Variants in PARP16 observed in about 807,000 individuals in gnomAD.
The protein encoded by PARP16 is poly(ADP-ribose) polymerase family member 16.
A neutral mutation model predicts 35.0 loss-of-function variants in PARP16; 31 were observed. The observed-to-expected ratio is 0.88, with a 90% CI of 0.66 to 1.19. PARP16 has a LOEUF of 1.19. PARP16 is among the 50% of genes most tolerant of loss of function. The pLI is 0.00. For missense variants in PARP16, 424 were observed against 411.2 expected (o/e 1.03, Z -0.27); for synonymous variants, 162 against 169.5 (o/e 0.96, Z 0.34).
intron 5 of PARP16, among the ~76,000 whole-genome samples, chr15:65,259,753 C>T (rs141015666): frequency 1.3e-5 from 2 of 152,174 alleles, no homozygotes; most frequent in Admixed American, 6.5e-5. Context: ...TTTCTAAATG[C>T]GCAAAGACAG....
intron 4 of PARP16, 61 bp from the exon 5 acceptor site, chr15:65,261,087 T>C: frequency 6.5e-7 from 1 of 1,529,804 alleles, no homozygotes; most frequent in Non-Finnish European, 9.0e-7. Context: ...AAGCACATTA[T>C]AAATAGAAAT....
intron 2 of PARP16, among the ~76,000 whole-genome samples, chr15:65,252,362 G>A (rs1363466599): frequency 3.3e-5 from 5 of 152,186 alleles, no homozygotes; most frequent in Non-Finnish European, 5.9e-5. Context: ...AAATATAATT[G>A]ATGTGCTAGT....
rs775895343 is a variant in PARP16 at position 65,261,038 on chromosome 15, GA to G, written c.692-13del. The G allele has an allele frequency of 3.1e-6, 5 of 1,610,580 alleles. No homozygotes were observed. The highest frequency in any genetic ancestry group is 4.2e-6 in the Non-Finnish European group (5 of 1,177,362). ...TATCTCCTTGGAATCTGAATAAGGA[GA>G]GTAAAACACATCTTCACTGGGGGAA... On this transcript the variant is annotated splice_polypyrimidine_tract_variant and intron_variant, in intron 4 of 5. Transcript: ENST00000649807.
At chr15:65,257,921 C>T (rs574323142), downstream of PARP16, among the ~76,000 whole-genome samples, 2 of 152,102 alleles carry the variant, frequency 1.3e-5, no homozygotes, top group South Asian at 2.1e-4. Flanking sequence ...TAGGTACTCA[C>T]GTTTGTTAAG....
At position 65,259,607 on chromosome 15, in the gene PARP16, C is replaced by T. The variant is rs975663141; in HGVS notation, c.834-65G>A. 7 of 1,464,628 alleles carry T rather than the reference C, an allele frequency of 4.8e-6. No homozygotes were observed. The African/African-American group carries it at 8.4e-5, about 18-fold the overall frequency. 90.7% of individuals were successfully genotyped at this position (1,464,628 alleles called of 1,614,324 possible). A position where few individuals can be genotyped will look rare whatever the true frequency, so the allele number is the denominator to read the frequency against. The stretch of plus-strand genomic sequence containing the variant: ...GAAAAACATTTTTTTTAAGTGTGTA[C>T]AACAAGTCTGGCTCTAAGAAGACAA... On this transcript the variant is annotated intron_variant, in intron 5 of 5. Transcript: ENST00000649807.
intron 2 of PARP16, among the ~76,000 whole-genome samples, chr15:65,267,192 G>C (rs553782655): frequency 1.4e-4 from 21 of 152,158 alleles, no homozygotes; most frequent in Admixed American, 9.8e-4. Flanking sequence ...AGTGAGCAGA[G>C]ATCACGTCAC....
intron 2 of PARP16, among the ~76,000 whole-genome samples, chr15:65,269,508 A>ATAG (rs1334935230): frequency 6.6e-6 from 1 of 152,138 alleles, no homozygotes; most frequent in East Asian, 1.9e-4. Context: ...TGGTTTTCAA[A>ATAG]TAGTAGGTCA....
intron 3 of PARP16, among the ~76,000 whole-genome samples, chr15:65,238,011 C>A (rs1462809464): frequency 6.6e-6 from 1 of 152,288 alleles, no homozygotes; most frequent in East Asian, 1.9e-4. Flanking sequence ...ATTGGCTGGA[C>A]GCAGTGGCTC....
chr15:65,254,667 C>A (rs1459265153), downstream of PARP16, among the ~76,000 whole-genome samples: 3 of 152,028 alleles, frequency 2.0e-5, no homozygotes, highest in African/African-American at 7.3e-5. Context: ...ACCATGGCAA[C>A]GGGATGAATG....
At chr15:65,241,411 G>T (rs922186442) in intron 3 of PARP16, among the ~76,000 whole-genome samples, 1 of 152,196 alleles carries the variant, frequency 6.6e-6, no homozygotes, top group African/African-American at 2.4e-5. Flanking sequence ...AAAGTGCTGG[G>T]ATTACAAGCA....
intron 3 of PARP16, among the ~76,000 whole-genome samples, chr15:65,244,294 A>C (rs767148407): frequency 1.3e-5 from 2 of 152,216 alleles, no homozygotes; most frequent in Non-Finnish European, 2.9e-5. Context: ...TTACTATATT[A>C]GTCTGTTCTC....
intron 3 of PARP16, among the ~76,000 whole-genome samples, chr15:65,263,701 T>C (rs1025331317): frequency 3.3e-5 from 5 of 152,228 alleles, no homozygotes; most frequent in Non-Finnish European, 7.3e-5. Context: ...ATAATGTTAC[T>C]AGTAGCTCCT....
At chr15:65,282,436 C>T (rs1032322901) in intron 1 of PARP16, 5 of 152,190 alleles carry the variant, frequency 3.3e-5, no homozygotes, top group African/African-American at 1.2e-4. Flanking sequence ...GATCCAGATG[C>T]CCAGTTCTCT....
intron 3 of PARP16, among the ~76,000 whole-genome samples, chr15:65,243,110 C>G (rs1174398558): frequency 6.6e-6 from 1 of 152,140 alleles, no homozygotes; most frequent in East Asian, 1.9e-4. Flanking sequence ...TCTTTCCAAA[C>G]TATATGGTTT....
intron 2 of PARP16, among the ~76,000 whole-genome samples, chr15:65,250,265 G>T (rs886525185): frequency 1.3e-5 from 2 of 151,756 alleles, no homozygotes; most frequent in Non-Finnish European, 2.9e-5. Context: ...TTACAGGCGC[G>T]CGCCACCATG....
chr15:65,272,764 G>C (rs1310281607), intron 1 of PARP16, among the ~76,000 whole-genome samples: 1 of 152,176 alleles, frequency 6.6e-6, no homozygotes, highest in African/African-American at 2.4e-5. Flanking sequence ...ATCTCAGTTG[G>C]AATCTCTGTT....
At chr15:65,239,663 T>TC (rs1353269082) in intron 3 of PARP16, among the ~76,000 whole-genome samples, 2 of 147,984 alleles carry the variant, frequency 1.4e-5, no homozygotes, top group African/African-American at 4.9e-5. Context: ...TTTTTTCTTT[T>TC]TTTTTTTTTT....
chr15:65,280,583 TAAAG>T (rs1201272751), intron 1 of PARP16, among the ~76,000 whole-genome samples: 1 of 152,038 alleles, frequency 6.6e-6, no homozygotes, highest in Non-Finnish European at 1.5e-5. Flanking sequence ...TTTAAAATTA[TAAAG>T]AAACCCAAAA....
Position 65,286,785 on chromosome 15 carries a change from T to G in PARP16, c.-359A>C. Reference sequence around the variant, plus strand: ...AACCGCGGGAACGTGCTGACACGTGTCCTCCGCGGAGGCCTGGGGCGGGAA... The same window carrying G: ...AACCGCGGGAACGTGCTGACACGTGGCCTCCGCGGAGGCCTGGGGCGGGAA... On this transcript the variant is annotated 5_prime_UTR_variant, in exon 1 of 6. Transcript: ENST00000649807. 4.6e-6 allele frequency: 1 copy of G among 216,818 alleles called. No individual in the cohort carries two copies. Among genetic ancestry groups the G allele is most frequent in the Non-Finnish European group, 9.1e-6 (1 of 110,058 alleles). 13.4% of individuals were successfully genotyped at this position (216,818 alleles called of 1,614,324 possible).
Sources: gnomAD v4.1 joint callset for allele counts (sites outside exome capture counted in the v4.1 genomes callset) on GRCh38, gnomAD v4.1.1 for gene constraint, MANE v1.5 for transcripts, NCBI Gene and HGNC (gene_info 2026-07-23, HGNC 2026-07-21) for gene names.